The following KMT2A variants were observed in gnomAD, a reference collection of about 807,000 sequenced individuals.
The protein encoded by KMT2A is histone-lysine N-methyltransferase 2A.
Under a neutral mutation model 345.3 loss-of-function variants are expected in KMT2A, and 16 were observed. The ratio of observed to expected loss-of-function variants is 0.05; its 90% CI spans 0.03 to 0.07. KMT2A has a LOEUF of 0.07. Among genes scored for constraint, KMT2A ranks in the 10% least tolerant of loss-of-function variants. The pLI is 1.00. For synonymous variants in KMT2A, 1,599 were observed against 1,778.6 expected (o/e 0.90, Z 2.54); for missense variants, 3,272 against 4,841.6 (o/e 0.68, Z 9.62).
rs1951092219 is a variant in KMT2A at position 118,526,820 on chromosome 11, G to A, written c.*4648G>A. On this transcript the variant is annotated 3_prime_UTR_variant, in exon 36 of 36. Transcript: ENST00000534358. Reference sequence around the variant, plus strand: ...ATAGTTTAATTAATAAACATGTCAAGTTTATTGCTGCACATGGTTAAGCTT... The same window carrying A: ...ATAGTTTAATTAATAAACATGTCAAATTTATTGCTGCACATGGTTAAGCTT... 3 of 218,634 alleles carry A rather than the reference G, an allele frequency of 1.4e-5. No individual in the cohort carries two copies. Among genetic ancestry groups the A allele is most frequent in the Non-Finnish European group, 2.7e-5 (3 of 109,372 alleles). 13.5% of individuals were successfully genotyped at this position (218,634 alleles called of 1,614,324 possible).
rs1364206687 is a variant in KMT2A, at chr11:118,526,172, G to A, written c.*4000G>A. The A allele has an allele frequency of 4.6e-6, 1 of 216,196 alleles. No homozygotes were observed. Among genetic ancestry groups the A allele is most frequent in the African/African-American group, 2.3e-5 (1 of 44,416 alleles). The allele number at this position is 216,196 out of a possible 1,614,324, so 13.4% of individuals were successfully genotyped here. On this transcript the variant is annotated 3_prime_UTR_variant, in exon 36 of 36. Coordinates refer to ENST00000534358, the MANE Select transcript of KMT2A (RefSeq NM_001197104.2). ...AACCTCTAACCATAAAGGAATGGTA[G>A]AACAGTCCATTCCTCGGATCAGAGA...
chr11:118,473,044 C>T lies in KMT2A; in HGVS notation c.1885C>T (p.Pro629Ser). Reference protein sequence around the residue: ...WTSLKHSRSEPQYFSSAKYAK... With the variant: ...WTSLKHSRSESQYFSSAKYAK... ...TTCTTTAAAGCATTCTAGGTCAGAG[C>T]CACAATACTTTTCCTCAGCAAAGTA... The change falls in exon 3 of 36, where the codon CCA becomes TCA. Residue 629 changes from proline to serine, a missense_variant. Transcript: ENST00000534358. This position sits in a 1 kb window ranked among gnomAD's most constrained non-coding sequence, Gnocchi z 5.2. 6.2e-7 allele frequency: 1 copy of T among 1,614,182 alleles called. No individual in the cohort carries two copies. The highest frequency in any genetic ancestry group is 8.5e-7 in the Non-Finnish European group (1 of 1,180,030).
chr11:118,524,899 C>T lies in KMT2A; in HGVS notation c.*2727C>T, dbSNP rs1465699762. 1.0e-5 allele frequency: 2 copies of T among 194,970 alleles called. No homozygotes were observed. The highest frequency in any genetic ancestry group is 2.1e-5 in the Non-Finnish European group (2 of 93,544). The allele number at this position is 194,970 out of a possible 1,614,324, so 12.1% of individuals were successfully genotyped here. On this transcript the variant is annotated 3_prime_UTR_variant, in exon 36 of 36. Coordinates refer to ENST00000534358, the MANE Select transcript of KMT2A (RefSeq NM_001197104.2). ...CTCCTCACTCTCTACCAACCCTAAA[C>T]CCTGAGGACAGGGGAGGAACCCACA...
chr11:118,478,709 A>G (rs1950080557), intron 5 of KMT2A, among the ~76,000 whole-genome samples: 1 of 152,208 alleles, frequency 6.6e-6, no homozygotes, highest in Non-Finnish European at 1.5e-5. Flanking sequence ...GATACCTTGC[A>G]TAAATATCTG....
In KMT2A at chr11:118,473,675, T is replaced by C. The variant is rs1949983923; in HGVS notation, c.2516T>C (p.Phe839Ser). The C allele has an allele frequency of 6.2e-7, 1 of 1,613,888 alleles. No individual in the cohort carries two copies. The highest frequency in any genetic ancestry group is 8.5e-7 in the Non-Finnish European group (1 of 1,180,030). The change falls in exon 3 of 36, where the codon TTT becomes TCT. Residue 839 changes from phenylalanine (F) to serine (S), a missense_variant. Transcript: ENST00000534358. The surrounding 1 kb of genome is among the most constrained non-coding windows in gnomAD (Gnocchi z 5.2). ...SSSPTPLFPWFTPGSQTERGR... is the reference protein window; with the variant it reads ...SSSPTPLFPWSTPGSQTERGR... ...AGTCCTACTCCTCTCTTCCCTTGGT[T>C]TACCCCAGGCTCTCAGACTGAAAGA... is the stretch of plus-strand genomic sequence containing the variant.
intron 31 of KMT2A, among the ~76,000 whole-genome samples, chr11:118,519,096 A>G (rs925719882): frequency 6.6e-6 from 1 of 151,356 alleles, no homozygotes; most frequent in African/African-American, 2.4e-5. Context: ...AAAAAAAAAA[A>G]AAAGAAAATT....
intron 8 of KMT2A, among the ~76,000 whole-genome samples, chr11:118,483,443 G>A (rs981748518): frequency 5.4e-4 from 82 of 152,108 alleles, no homozygotes; most frequent in Non-Finnish European, 1.0e-3. Flanking sequence ...TGAGGCAGGA[G>A]AATGGCGTGA....
At chr11:118,459,616 G>A (rs1007400358) in intron 1 of KMT2A, among the ~76,000 whole-genome samples, 1 of 152,060 alleles carries the variant, frequency 6.6e-6, no homozygotes, top group African/African-American at 2.4e-5. Context: ...TAGCCTGGTA[G>A]GTAAAGAACT....
intron 5 of KMT2A, among the ~76,000 whole-genome samples, chr11:118,479,784 A>G (rs530714844): frequency 3.9e-5 from 6 of 152,314 alleles, no homozygotes; most frequent in Admixed American, 2.6e-4. Context: ...GTGGTAGACA[A>G]AGGAGTTGTT....
At position 118,520,928 on chromosome 11, in the gene KMT2A, G is replaced by GT; in HGVS notation, c.11513+48dup. ...GAAAGAATTACAGAAAACGAATGCA[G>GT]TTTTTCAAAATCAAAGCAGACCAAA... On this transcript the variant is annotated intron_variant, in intron 34 of 35. Coordinates refer to ENST00000534358, the MANE Select transcript of KMT2A (RefSeq NM_001197104.2). The surrounding 1 kb of genome is among the most constrained non-coding windows in gnomAD (Gnocchi z 4.3). 1 of 1,488,004 alleles carries GT rather than the reference G, an allele frequency of 6.7e-7. No homozygotes were observed. Among genetic ancestry groups the GT allele is most frequent in the Non-Finnish European group, 9.4e-7 (1 of 1,065,784 alleles). The allele number at this position is 1,488,004 out of a possible 1,614,324, so 92.2% of individuals were successfully genotyped here.
Position 118,503,014 on chromosome 11 carries a change from T to C in KMT2A, c.7122T>C (p.His2374=). The stretch of plus-strand genomic sequence containing the variant: ...AGGCCCTCTCCTTCCCACACCTCCA[T>C]TTGAGAGGGCAAAGGAATGATCGAG... ...SKEALSFPHL[H]LRGQRNDRDQ... The change falls in exon 27 of 36, where the codon CAT becomes CAC. Residue 2374 remains histidine, a synonymous_variant. Transcript: ENST00000534358. This position sits in a 1 kb window ranked among gnomAD's most constrained non-coding sequence, Gnocchi z 5.3. The C allele has an allele frequency of 6.2e-7, 1 of 1,613,612 alleles. No homozygotes were observed. Among genetic ancestry groups the C allele is most frequent in the Non-Finnish European group, 8.5e-7 (1 of 1,179,878 alleles).
At chr11:118,511,891 T>C (rs1950695310) in intron 30 of KMT2A, 60 bp from the exon 31 acceptor site, 3 of 1,267,782 alleles carry the variant, frequency 2.4e-6, no homozygotes, top group African/African-American at 2.9e-5. Context: ...ACATCATTGG[T>C]ATTAAGAAGG....
rs1363491043 is a variant in KMT2A at position 118,524,116 on chromosome 11, C to G, written c.*1944C>G. ...CCATCTGCCTCATAGGCCACTCTTT[C>G]CTTTCCCTCTGCCCACCAAGTCCTC... On this transcript the variant is annotated 3_prime_UTR_variant, in exon 36 of 36. Coordinates refer to ENST00000534358, the MANE Select transcript of KMT2A (RefSeq NM_001197104.2). The G allele has an allele frequency of 1.1e-5, 2 of 185,492 alleles. No individual in the cohort carries two copies. Among genetic ancestry groups the G allele is most frequent in the African/African-American group, 4.7e-5 (2 of 42,648 alleles). The allele number at this position is 185,492 out of a possible 1,614,324, so 11.5% of individuals were successfully genotyped here.
In KMT2A at chr11:118,466,627, C is replaced by A. The variant is rs1555034140; in HGVS notation, c.433-2148C>A. The stretch of plus-strand genomic sequence containing the variant: ...GGCCAGGAGTTCAAGACCAGCCTGG[C>A]CAACATTGCAAAAGCCCATCTCTAC... On this transcript the variant is annotated intron_variant, in intron 1 of 35. Transcript: ENST00000534358. Among the ~76,000 whole-genome samples, 3 of 151,810 alleles carry A rather than the reference C, an allele frequency of 2.0e-5. No individual in the cohort carries two copies. In the South Asian group the frequency reaches 6.2e-4, roughly 32 times the overall value.
At chr11:118,515,388 T>TTAAAGAG (rs1477890972) in intron 31 of KMT2A, among the ~76,000 whole-genome samples, 1 of 152,216 alleles carries the variant, frequency 6.6e-6, no homozygotes, top group East Asian at 1.9e-4. Flanking sequence ...CTTAACTGAT[T>TTAAAGAG]TAAAGAGTGA....
In KMT2A at chr11:118,501,771, A is replaced by G. The variant is rs782434088; in HGVS notation, c.6419A>G (p.His2140Arg). 10 of 1,614,082 alleles carry G rather than the reference A, an allele frequency of 6.2e-6. No individual in the cohort carries two copies. Among genetic ancestry groups the G allele is most frequent in the Non-Finnish European group, 8.5e-6 (10 of 1,179,982 alleles). Residue 2140 changes from histidine to arginine, a missense_variant, in exon 26 of 36, where the codon CAT (histidine) becomes CGT (arginine). Transcript: ENST00000534358. ...CAAACCTCTGGCTCCTGTTATTATC[A>G]TGTCATCTCAAAGGTCCCCAGGATT... ...HSQTSGSCYYHVISKVPRIRT... is the reference protein window; with the variant it reads ...HSQTSGSCYYRVISKVPRIRT...
At chr11:118,508,068 A>T (rs1370552628) in intron 28 of KMT2A, among the ~76,000 whole-genome samples, 1 of 152,260 alleles carries the variant, frequency 6.6e-6, no homozygotes, top group Non-Finnish European at 1.5e-5. Context: ...AGTAAACAAA[A>T]AATATAACAA....
intron 30 of KMT2A, among the ~76,000 whole-genome samples, chr11:118,511,197 C>G (rs1448829741): frequency 6.6e-6 from 1 of 152,062 alleles, no homozygotes; most frequent in Non-Finnish European, 1.5e-5. Flanking sequence ...CGAGAGTTTA[C>G]TAATGAGAGT....
At chr11:118,454,181 T>G (rs1949596209) in intron 1 of KMT2A, among the ~76,000 whole-genome samples, 1 of 152,188 alleles carries the variant, frequency 6.6e-6, no homozygotes, top group African/African-American at 2.4e-5. Flanking sequence ...AACTCTGGTA[T>G]CAAATCCTAT....
Sources: gnomAD v4.1 joint callset for allele counts (sites outside exome capture counted in the v4.1 genomes callset) on GRCh38, gnomAD v4.1.1 for gene constraint, Gnocchi (gnomAD v3.1) non-coding constraint, MANE v1.5 for transcripts, NCBI Gene and HGNC (gene_info 2026-07-23, HGNC 2026-07-21) for gene names.